Variants in CYYR1 observed in about 807,000 individuals in gnomAD.
The protein encoded by CYYR1 is cysteine and tyrosine-rich protein 1.
Under a neutral mutation model 15.2 loss-of-function variants are expected in CYYR1, and 14 were observed. The observed-to-expected ratio is 0.92, with a 90% CI of 0.61 to 1.44. The LOEUF (loss-of-function observed/expected upper bound fraction) is 1.44. Ranked by LOEUF, CYYR1 falls within the 40% of genes most tolerant of loss-of-function variation. CYYR1 has a pLI of 0.00. For missense variants in CYYR1, 228 were observed against 209.5 expected, an observed-to-expected ratio of 1.09 and a Z score of -0.54; for synonymous variants, 80 against 77.4, an observed-to-expected ratio of 1.03 and a Z score of -0.18.
At chr21:26,562,742 A>G (rs1684905572) in intron 2 of CYYR1, among the ~76,000 whole-genome samples, 2 of 147,006 alleles carry the variant, frequency 1.4e-5, no homozygotes, top group East Asian at 3.9e-4. Context: ...ACACACACAC[A>G]CACACACACA....
At chr21:26,480,235 C>A (rs759833470) in intron 3 of CYYR1, 37 bp downstream of exon 3, 9 of 1,565,782 alleles carry the variant, frequency 5.7e-6, no homozygotes, top group Non-Finnish European at 6.9e-6. Context: ...GGATAACTAG[C>A]AAATCTGAGC....
intron 2 of CYYR1, among the ~76,000 whole-genome samples, chr21:26,482,884 T>C: frequency 6.6e-6 from 1 of 152,058 alleles, no homozygotes; most frequent in East Asian, 1.9e-4. Flanking sequence ...TTTCATAATG[T>C]GCCTGGGTTT....
At chr21:26,474,016 G>GT (rs1009097335) in intron 3 of CYYR1, among the ~76,000 whole-genome samples, 20 of 147,956 alleles carry the variant, frequency 1.4e-4, no homozygotes, top group African/African-American at 3.5e-4. Context: ...TGCCATGTTG[G>GT]TTTTTTTTGT....
At chr21:26,533,779 T>C (rs1391397387) in intron 2 of CYYR1, among the ~76,000 whole-genome samples, 1 of 152,178 alleles carries the variant, frequency 6.6e-6, no homozygotes, top group African/African-American at 2.4e-5. Context: ...TGTGTATGTA[T>C]TTTCTGTGCA....
chr21:26,564,167 C>T (rs894895261), intron 2 of CYYR1, among the ~76,000 whole-genome samples: 3 of 151,518 alleles, frequency 2.0e-5, no homozygotes, highest in Non-Finnish European at 4.4e-5. Flanking sequence ...CCTCCTGCAT[C>T]GCCGACCACC....
At chr21:26,471,826 A>G (rs1215555011) in intron 3 of CYYR1, 1 of 152,182 alleles carries the variant, frequency 6.6e-6, no homozygotes, top group Non-Finnish European at 1.5e-5. Flanking sequence ...ATCCTTTCAT[A>G]ACCAATATTC....
chr21:26,481,308 G>T (rs1254767934), intron 2 of CYYR1, among the ~76,000 whole-genome samples: 2 of 152,034 alleles, frequency 1.3e-5, no homozygotes, highest in African/African-American at 4.8e-5. Context: ...TCACAGTGTT[G>T]TGGCTAATAG....
intron 1 of CYYR1, among the ~76,000 whole-genome samples, chr21:26,571,543 T>C (rs1351538662): frequency 6.6e-6 from 1 of 152,102 alleles, no homozygotes; most frequent in African/African-American, 2.4e-5. Context: ...CAAACAAAAT[T>C]GTGGTTCAAT....
intron 2 of CYYR1, among the ~76,000 whole-genome samples, chr21:26,546,793 C>A (rs1027746425): frequency 6.6e-6 from 1 of 152,138 alleles, no homozygotes; most frequent in Admixed American, 6.5e-5. Context: ...TTATTAACGT[C>A]GGGATAGATT....
chr21:26,545,740 C>T (rs1175537864), intron 2 of CYYR1, among the ~76,000 whole-genome samples: 3 of 151,590 alleles, frequency 2.0e-5, no homozygotes, highest in African/African-American at 4.8e-5. Context: ...CCACCACGCC[C>T]GGCTAATTTT....
At chr21:26,496,462 C>T (rs924372481) in intron 2 of CYYR1, among the ~76,000 whole-genome samples, 80 of 152,200 alleles carry the variant, frequency 5.3e-4, no homozygotes, top group African/African-American at 1.9e-3. Flanking sequence ...ATGAATATTG[C>T]TATTATTTTT....
chr21:26,471,742 G>T (rs749415684), intron 3 of CYYR1: 4 of 152,126 alleles, frequency 2.6e-5, no homozygotes, highest in Non-Finnish European at 5.9e-5. Flanking sequence ...ATCCTAAGCG[G>T]TTTTGTTCTT....
intron 2 of CYYR1, among the ~76,000 whole-genome samples, chr21:26,483,597 C>T (rs973736867): frequency 2.0e-5 from 3 of 152,052 alleles, no homozygotes; most frequent in Non-Finnish European, 4.4e-5. Context: ...AGCCTCACTG[C>T]CAATATCCCG....
chr21:26,527,307 T>G (rs994648502), intron 2 of CYYR1, among the ~76,000 whole-genome samples: 3 of 152,220 alleles, frequency 2.0e-5, no homozygotes, highest in Non-Finnish European at 4.4e-5. Flanking sequence ...CCAGGCATAA[T>G]TTCTCAAGTA....
At chr21:26,481,193 G>A (rs1394719186) in intron 2 of CYYR1, among the ~76,000 whole-genome samples, 1 of 152,060 alleles carries the variant, frequency 6.6e-6, no homozygotes, top group African/African-American at 2.4e-5. Context: ...AAGCAATGGG[G>A]AAATCTTTAT....
intron 2 of CYYR1, among the ~76,000 whole-genome samples, chr21:26,523,110 A>G (rs1274308599): frequency 6.6e-6 from 1 of 152,248 alleles, no homozygotes; most frequent in Non-Finnish European, 1.5e-5. Flanking sequence ...TTGAAAGTAT[A>G]ATAGGAAGCT....
intron 2 of CYYR1, among the ~76,000 whole-genome samples, chr21:26,558,836 T>C (rs556181335): frequency 9.2e-5 from 14 of 152,346 alleles, no homozygotes; most frequent in African/African-American, 3.1e-4. Flanking sequence ...TTAATTGCTG[T>C]ATCCTTTGCA....
At chr21:26,490,054 A>G (rs1474148446) in intron 2 of CYYR1, among the ~76,000 whole-genome samples, 1 of 152,126 alleles carries the variant, frequency 6.6e-6, no homozygotes, top group Non-Finnish European at 1.5e-5. Context: ...CTGTAATCCC[A>G]GCACTTTAGG....
At chr21:26,544,058 CA>C (rs1978776016) in intron 2 of CYYR1, among the ~76,000 whole-genome samples, 1 of 152,128 alleles carries the variant, frequency 6.6e-6, no homozygotes. Flanking sequence ...CATTAGAAGA[CA>C]ACTTGTTGTC....
Sources: gnomAD v4.1 joint callset for allele counts (sites outside exome capture counted in the v4.1 genomes callset) on GRCh38, gnomAD v4.1.1 for gene constraint, MANE v1.5 for transcripts, NCBI Gene and HGNC (gene_info 2026-07-23, HGNC 2026-07-21) for gene names.